Variants in MYO1H observed in about 807,000 individuals in gnomAD.
The protein encoded by MYO1H is unconventional myosin-Ih.
Under a neutral mutation model 149.3 loss-of-function variants are expected in MYO1H, and 118 were observed. The ratio of observed to expected loss-of-function variants is 0.79; its 90% CI spans 0.68 to 0.92. MYO1H has a LOEUF of 0.92. MYO1H is among the 40% of genes least tolerant of loss of function. The pLI is 0.00. For missense variants in MYO1H, 1,212 were observed against 1,280.7 expected (o/e 0.95, Z 0.82); for synonymous variants, 447 against 465.2 (o/e 0.96, Z 0.50).
intron 14 of MYO1H, among the ~76,000 whole-genome samples, chr12:109,413,600 G>C (rs1437838941): frequency 6.6e-6 from 1 of 152,204 alleles, no homozygotes; most frequent in Non-Finnish European, 1.5e-5. Context: ...AATGATGTAA[G>C]TAAATTACAC....
In MYO1H at chr12:109,432,430, T is replaced by C. The variant is rs117061201; in HGVS notation, c.1950-467T>C. Among the ~76,000 whole-genome samples, 735 of 152,346 alleles carry C rather than the reference T, an allele frequency of 4.8e-3. 17 individuals carry two copies. The East Asian group carries it at 0.065, about 13-fold the overall frequency. On this transcript the variant is annotated intron_variant, in intron 19 of 31. Coordinates refer to ENST00000310903, the Ensembl canonical transcript of MYO1H. Reference sequence around the variant, plus strand: ...GAGGCACCATACCCGGTCTCAAGCATAGAACTTTTTCTTCTGGTACTAGAC... The same window carrying C: ...GAGGCACCATACCCGGTCTCAAGCACAGAACTTTTTCTTCTGGTACTAGAC...
At chr12:109,412,016 G>A in intron 14 of MYO1H, 31 bp downstream of exon 14, 2 of 1,449,104 alleles carry the variant, frequency 1.4e-6, no homozygotes, top group Non-Finnish European at 1.9e-6. Flanking sequence ...GATTTTGCAT[G>A]GGGGAAGATG....
intron 1 of MYO1H, among the ~76,000 whole-genome samples, chr12:109,384,461 C>T (rs1869264099): frequency 6.6e-6 from 1 of 152,126 alleles, no homozygotes; most frequent in Admixed American, 6.5e-5. Flanking sequence ...TCTTTTTGGT[C>T]AAGGCTGAAT....
intron 17 of MYO1H, among the ~76,000 whole-genome samples, chr12:109,425,545 G>A (rs1376722949): frequency 6.6e-6 from 1 of 152,176 alleles, no homozygotes; most frequent in Non-Finnish European, 1.5e-5. Context: ...AATCTAGTGG[G>A]AGAGAGTATA....
intron 20 of MYO1H, among the ~76,000 whole-genome samples, chr12:109,433,483 A>G (rs1871726241): frequency 6.6e-6 from 1 of 152,242 alleles, no homozygotes; most frequent in South Asian, 2.1e-4. Flanking sequence ...GCTTTCAGGC[A>G]CAACTCAAGG....
In MYO1H at chr12:109,435,119, ATTTC is replaced by A. The variant is rs1187689750; in HGVS notation, c.2140+10_2140+13del. ...ATTTAGTAAACATCAACTAGGTATGATTTCTTTTTCTGTCCCGATTTCAATAGAA... is the reference window on the plus strand; with the variant it reads ...ATTTAGTAAACATCAACTAGGTATGATTTTTCTGTCCCGATTTCAATAGAA... On this transcript the variant is annotated splice_region_variant and intron_variant, in intron 21 of 31. Coordinates refer to ENST00000310903, the Ensembl canonical transcript of MYO1H. 1 of 1,580,016 alleles carries A rather than the reference ATTTC, an allele frequency of 6.3e-7. No individual in the cohort carries two copies. Among genetic ancestry groups the A allele is most frequent in the Middle Eastern group, 1.7e-4 (1 of 6,002 alleles).
chr12:109,401,321 C>T, intron 6 of MYO1H, 49 bp downstream of exon 6: 1 of 1,544,500 alleles, frequency 6.5e-7, no homozygotes, highest in African/African-American at 1.4e-5. Context: ...AGCAGGGGAT[C>T]AGAGATGTTT....
intron 1 of MYO1H, among the ~76,000 whole-genome samples, chr12:109,373,122 A>G (rs961112070): frequency 9.9e-5 from 15 of 152,142 alleles, no homozygotes; most frequent in African/African-American, 1.4e-4. Flanking sequence ...CTGAATTTAC[A>G]TATCATATAT....
At chr12:109,365,331 A>T (rs527736647) in intron 1 of MYO1H, among the ~76,000 whole-genome samples, 2 of 152,358 alleles carry the variant, frequency 1.3e-5, no homozygotes, top group East Asian at 3.9e-4. Context: ...AACTGAACTA[A>T]CAGTAACATA....
chr12:109,401,203 T>C lies in MYO1H; in HGVS notation c.681T>C (p.Gly227=), dbSNP rs371171761. The C allele has an allele frequency of 1.4e-4, 220 of 1,613,770 alleles. 3 individuals are homozygous for C. In the African/African-American group the frequency reaches 2.6e-3, roughly 19 times the overall value. ...ACATCTTCTACCAGCTGCTGGCAGG[T>C]GGCGAAGAGGAGCGCCTGTCTTACC... is the stretch of plus-strand genomic sequence containing the variant. The change falls in exon 6 of 32, where the codon GGT becomes GGC. Residue 227 remains glycine (G), a synonymous_variant. Transcript: ENST00000310903.
chr12:109,412,980 G>A (rs575003302), intron 14 of MYO1H, among the ~76,000 whole-genome samples: 191 of 144,586 alleles, frequency 1.3e-3, no homozygotes, highest in Middle Eastern at 6.8e-3. Flanking sequence ...TGTTGTTGTT[G>A]TTATTATTAT....
At chr12:109,394,439 C>T (rs140622750) in intron 3 of MYO1H, among the ~76,000 whole-genome samples, 5 of 152,164 alleles carry the variant, frequency 3.3e-5, no homozygotes, top group Non-Finnish European at 7.3e-5. Context: ...AACTTGAGTA[C>T]GTTTTTAGGC....
intron 23 of MYO1H, 120 bp from the exon 24 acceptor site, chr12:109,439,511 A>ACAT: frequency 5.9e-5 from 59 of 1,003,356 alleles, no homozygotes; most frequent in Non-Finnish European, 7.4e-5. Flanking sequence ...CCTCTGGCCT[A>ACAT]TGTGGTCATC....
intron 15 of MYO1H, among the ~76,000 whole-genome samples, chr12:109,418,199 G>T (rs1871013381): frequency 6.6e-6 from 1 of 151,332 alleles, no homozygotes; most frequent in African/African-American, 2.4e-5. Context: ...TATACAATTT[G>T]CAAATATTTT....
exon 8 of MYO1H, chr12:109,405,965 T>C (rs771566091): frequency 1.2e-6 from 2 of 1,613,762 alleles, no homozygotes; most frequent in Admixed American, 1.7e-5. Context: ...CTGGGGAACA[T>C]TGGTTTTGAA....
chr12:109,379,729 C>CTTTTTTTT (rs35773327), intron 1 of MYO1H, among the ~76,000 whole-genome samples: 3 of 103,470 alleles, frequency 2.9e-5, no homozygotes, highest in Admixed American at 1.3e-4. Context: ...CAATTTTAAC[C>CTTTTTTTT]TTTTTTTTTT....
intron 6 of MYO1H, among the ~76,000 whole-genome samples, chr12:109,401,852 A>G (rs934020236): frequency 1.3e-5 from 2 of 151,432 alleles, no homozygotes; most frequent in South Asian, 2.1e-4. Context: ...TGATCCTCCC[A>G]TCTCAGCCTC....
chr12:109,421,743 G>A (rs1871182199), intron 16 of MYO1H, among the ~76,000 whole-genome samples: 1 of 152,138 alleles, frequency 6.6e-6, no homozygotes, highest in Non-Finnish European at 1.5e-5. Context: ...GCTGGAGATG[G>A]TATTAGCCCC....
the MYO1H span, among the ~76,000 whole-genome samples, chr12:109,319,714 A>AT: frequency 3.4e-4 from 52 of 152,216 alleles, no homozygotes; most frequent in South Asian, 0.01. Flanking sequence ...GGGCTGGATG[A>AT]TTTTTTGTTT....
Sources: gnomAD v4.1 joint callset for allele counts (sites outside exome capture counted in the v4.1 genomes callset) on GRCh38, gnomAD v4.1.1 for gene constraint, MANE v1.5 for transcripts, NCBI Gene and HGNC (gene_info 2026-07-23, HGNC 2026-07-21) for gene names.